PLCZ1: variants seen among roughly 807,000 people sequenced by gnomAD.
PLCZ1 encodes 1-phosphatidylinositol 4,5-bisphosphate phosphodiesterase zeta-1.
A neutral mutation model predicts 76.8 loss-of-function variants in PLCZ1; 64 were observed. The observed-to-expected ratio is 0.83, with a 90% CI of 0.68 to 1.03. PLCZ1 has a LOEUF of 1.03. Among genes scored for constraint, PLCZ1 ranks in the 50% least tolerant of loss-of-function variants. The pLI is 0.00. For missense variants in PLCZ1, 751 were observed against 713.7 expected (o/e 1.05, Z -0.60); for synonymous variants, 248 against 230.8 (o/e 1.07, Z -0.68).
intron 3 of PLCZ1, 27 bp downstream of exon 3, chr12:18,736,184 CTAGGATAGGA>C (rs1565748099): frequency 6.2e-7 from 1 of 1,605,334 alleles, no homozygotes; most frequent in Admixed American, 1.7e-5. Context: ...TAAGTTCCAC[CTAGGATAGGA>C]TAGGCAGGGG....
At chr12:18,677,731 T>A in the PLCZ1 span, among the ~76,000 whole-genome samples, 1 of 152,100 alleles carries the variant, frequency 6.6e-6, no homozygotes, top group African/African-American at 2.4e-5. Flanking sequence ...AGTGTTCAGA[T>A]AAGGTTAAGA....
chr12:18,692,356 G>A (rs1954233560), intron 12 of PLCZ1, among the ~76,000 whole-genome samples: 1 of 152,036 alleles, frequency 6.6e-6, no homozygotes, highest in Non-Finnish European at 1.5e-5. Context: ...ATAAGTAAGT[G>A]GAGAGAAAAA....
Position 18,684,122 on chromosome 12 carries a change from G to A in PLCZ1, c.1741+8C>T, listed in dbSNP as rs1952737596. ...CTGGTACAATCATCTAACTTTTAGG[G>A]ACATTACCTTTGTTCATGCATAGAA... On this transcript the variant is annotated splice_region_variant and intron_variant, in intron 14 of 14. Transcript: ENST00000266505. 1 of 1,610,582 alleles carries A rather than the reference G, an allele frequency of 6.2e-7. No individual in the cohort carries two copies. The highest frequency in any genetic ancestry group is 8.5e-7 in the Non-Finnish European group (1 of 1,178,172).
chr12:18,723,455 C>T lies in PLCZ1; in HGVS notation c.223G>A (p.Glu75Lys). The T allele has an allele frequency of 1.2e-6, 2 of 1,612,912 alleles. No individual in the cohort carries two copies. Among genetic ancestry groups the T allele is most frequent in the Non-Finnish European group, 1.7e-6 (2 of 1,179,400 alleles). The part of the protein sequence containing the change: ...RIITHREEII[E>K]IFNTYSENRK... ...TTTTCAGAATATGTGTTGAAAATCT[C>T]AATAATTTCTTCTCTGTGCGTGATA... The change falls in exon 4 of 15, where the codon GAG becomes AAG. Residue 75 changes from glutamate (E) to lysine (K), a missense_variant. Physicochemically the swap from Glu to Lys is moderately conservative, Grantham distance 56 (BLOSUM62 1). Transcript: ENST00000266505.
chr12:18,715,542 C>CA (rs761128047), intron 5 of PLCZ1: 2 of 152,150 alleles, frequency 1.3e-5, no homozygotes, highest in East Asian at 3.9e-4. Context: ...GCTGGAACTA[C>CA]AGGCGCCCAC....
At chr12:18,705,882 A>G (rs1300480793) in intron 6 of PLCZ1, among the ~76,000 whole-genome samples, 1 of 151,084 alleles carries the variant, frequency 6.6e-6, no homozygotes, top group Non-Finnish European at 1.5e-5. Context: ...AACAATAATA[A>G]TAATAAATAA....
At chr12:18,654,575 C>T in the PLCZ1 span, among the ~76,000 whole-genome samples, 1 of 152,118 alleles carries the variant, frequency 6.6e-6, no homozygotes, top group African/African-American at 2.4e-5. Flanking sequence ...AAAATTATTG[C>T]CACGGGTGTT....
At chr12:18,734,244 C>T (rs1959175494) in intron 3 of PLCZ1, among the ~76,000 whole-genome samples, 1 of 152,032 alleles carries the variant, frequency 6.6e-6, no homozygotes. Flanking sequence ...TGATTTCTTT[C>T]TGGATAGTAC....
At position 18,704,695 on chromosome 12, in the gene PLCZ1, T is replaced by C. The variant is rs574341020; in HGVS notation, c.864+471A>G. On this transcript the variant is annotated intron_variant, in intron 7 of 14. Transcript: ENST00000266505. ...GTCCTGATGGTAGATGTGGACGTGA[T>C]TTTTCAAAGCAAATACTTCAGTATG... is the stretch of plus-strand genomic sequence containing the variant. Among the ~76,000 whole-genome samples the C allele has an allele frequency of 2.6e-5, 4 of 152,160 alleles. No homozygotes were observed. In the South Asian group the frequency reaches 6.2e-4, roughly 24 times the overall value.
At chr12:18,715,474 T>C (rs1164580456) in intron 5 of PLCZ1, among the ~76,000 whole-genome samples, 1 of 151,748 alleles carries the variant, frequency 6.6e-6, no homozygotes, top group Non-Finnish European at 1.5e-5. Flanking sequence ...CGATCTCGGC[T>C]CACTGCAAGC....
chr12:18,698,303 T>C (rs1246235015), intron 10 of PLCZ1, among the ~76,000 whole-genome samples: 2 of 143,888 alleles, frequency 1.4e-5, no homozygotes, highest in African/African-American at 5.3e-5. Flanking sequence ...TTCCATTCCA[T>C]TCCATCCCAT....
In PLCZ1 at chr12:18,723,239, A is replaced by G. The variant is rs554200732; in HGVS notation, c.367+72T>C. On this transcript the variant is annotated intron_variant, in intron 4 of 14. Transcript: ENST00000266505. ...CAATTCATAAAAATACTTTGCTTTG[A>G]AATAATTTTTGAAAAAAGAAAAAAT... is the stretch of plus-strand genomic sequence containing the variant. 913 of 1,354,366 alleles carry G rather than the reference A, an allele frequency of 6.7e-4. 2 individuals are homozygous for G. Among genetic ancestry groups the G allele is most frequent in the Middle Eastern group, 5.6e-3 (25 of 4,436 alleles). 83.9% of individuals were successfully genotyped at this position (1,354,366 alleles called of 1,614,324 possible).
At chr12:18,698,267 A>ATTCTG (rs1955392188) in intron 10 of PLCZ1, among the ~76,000 whole-genome samples, 1 of 151,406 alleles carries the variant, frequency 6.6e-6, no homozygotes. Context: ...ATTCTATTCT[A>ATTCTG]TTCTATTCTA....
At chr12:18,648,753 T>C in the PLCZ1 span, among the ~76,000 whole-genome samples, 22,582 of 152,086 alleles carry the variant, frequency 0.15, 2,091 homozygotes, top group East Asian at 0.42. Flanking sequence ...ATTATTTTCC[T>C]GCTTCTGAAC....
At chr12:18,710,861 G>C (rs189337142) in intron 6 of PLCZ1, among the ~76,000 whole-genome samples, 1 of 152,074 alleles carries the variant, frequency 6.6e-6, no homozygotes, top group Non-Finnish European at 1.5e-5. Context: ...TTAGAATGGC[G>C]ATCATTAAAA....
Position 18,684,266 on chromosome 12 carries a change from T to A in PLCZ1, c.1605A>T (p.Arg535Ser). Residue 535 changes from arginine (R) to serine (S), a missense_variant, in exon 14 of 15, where the codon AGA (arginine) becomes AGT (serine). Physicochemically the swap from Arg to Ser is moderately radical, Grantham distance 110. Transcript: ENST00000266505. ...TAATAAATGTGAATGTTTCATTCCA[T>A]CTTGGACTAAAAGCTGAAATATAAA... The part of the protein sequence containing the change: ...RVIKKNAFSP[R>S]WNETFTFIIH... 6.2e-7 allele frequency: 1 copy of A among 1,608,132 alleles called. No individual in the cohort carries two copies. Among genetic ancestry groups the A allele is most frequent in the Non-Finnish European group, 8.5e-7 (1 of 1,175,700 alleles).
chr12:18,656,418 T>C, the PLCZ1 span, among the ~76,000 whole-genome samples: 6 of 152,080 alleles, frequency 3.9e-5, no homozygotes, highest in East Asian at 1.2e-3. Flanking sequence ...ATACAAAAAT[T>C]AGCTGGGCAT....
At chr12:18,693,528 T>C (rs1012904145) in intron 12 of PLCZ1, 18 of 1,611,616 alleles carry the variant, frequency 1.1e-5, no homozygotes, top group Non-Finnish European at 1.4e-5. Context: ...TTGAGAGTGG[T>C]TGGCTCTGAA....
At chr12:18,710,299 G>A (rs1409266529) in intron 6 of PLCZ1, among the ~76,000 whole-genome samples, 1 of 150,936 alleles carries the variant, frequency 6.6e-6, no homozygotes, top group Non-Finnish European at 1.5e-5. Flanking sequence ...AATTAGGTGA[G>A]GGAGTTAGCC....
Sources: allele counts gnomAD v4.1 joint callset (sites outside exome capture counted in the v4.1 genomes callset), GRCh38; gene constraint gnomAD v4.1.1; transcripts MANE v1.5; gene names NCBI Gene and HGNC (gene_info 2026-07-23, HGNC 2026-07-21).